Variants in MANBA observed in about 807,000 individuals in gnomAD.
The protein encoded by MANBA is mannosidase beta.
In MANBA, 83 loss-of-function variants were observed where a neutral mutation model predicts 111.1. That is an observed-to-expected ratio of 0.75 (90% CI 0.63 to 0.90). MANBA has a LOEUF of 0.90. Ranked by LOEUF, MANBA falls within the 40% of genes least tolerant of loss-of-function variation. The pLI, the probability that MANBA is intolerant of heterozygous loss-of-function variation, is 0.00. For missense variants in MANBA, 1,036 were observed against 1,069.0 expected, an observed-to-expected ratio of 0.97 and a Z score of 0.43; for synonymous variants, 370 against 378.7, an observed-to-expected ratio of 0.98 and a Z score of 0.27.
chr4:102,714,170 C>T (rs1447773330), intron 5 of MANBA, among the ~76,000 whole-genome samples: 1 of 152,164 alleles, frequency 6.6e-6, no homozygotes, highest in African/African-American at 2.4e-5. Context: ...ATACTTATCT[C>T]AGGAAAACTT....
intron 5 of MANBA, among the ~76,000 whole-genome samples, chr4:102,702,894 A>G (rs1288754732): frequency 6.6e-6 from 1 of 152,216 alleles, no homozygotes; most frequent in Non-Finnish European, 1.5e-5. Context: ...AACAGGGGGA[A>G]GGCAGAAAGT....
intron 5 of MANBA, among the ~76,000 whole-genome samples, chr4:102,711,173 T>C (rs1722048370): frequency 1.3e-5 from 2 of 152,252 alleles, no homozygotes; most frequent in South Asian, 4.1e-4. Flanking sequence ...CAACAGAATG[T>C]AGAGACAACT....
At chr4:102,699,400 T>TA (rs1470785858) in intron 5 of MANBA, among the ~76,000 whole-genome samples, 1 of 152,022 alleles carries the variant, frequency 6.6e-6, no homozygotes, top group African/African-American at 2.4e-5. Flanking sequence ...CTATGTTGAA[T>TA]AGGAATGGTG....
intron 13 of MANBA, among the ~76,000 whole-genome samples, chr4:102,646,168 ATACCCAAAGAATGC>A (rs1413263870): frequency 6.6e-6 from 1 of 152,128 alleles, no homozygotes; most frequent in Non-Finnish European, 1.5e-5. Context: ...CATTTAGTAG[ATACCCAAAGAATGC>A]TACATATTGG....
chr4:102,747,230 C>T (rs1439866005), intron 1 of MANBA, among the ~76,000 whole-genome samples: 1 of 151,870 alleles, frequency 6.6e-6, no homozygotes, highest in Non-Finnish European at 1.5e-5. Context: ...CATAACACGC[C>T]ATCTGCAAGC....
chr4:102,650,981 T>C (rs968218957), intron 12 of MANBA: 1 of 358,030 alleles, frequency 2.8e-6, no homozygotes, highest in Admixed American at 4.2e-5. Context: ...ACTCTTGTTT[T>C]ATCAAAACAT....
intron 1 of MANBA, among the ~76,000 whole-genome samples, chr4:102,731,804 C>T (rs1167081222): frequency 6.6e-6 from 1 of 152,070 alleles, no homozygotes; most frequent in Non-Finnish European, 1.5e-5. Context: ...AGATGACTGG[C>T]CTCCTAGATG....
chr4:102,662,302 G>T (rs1224827365), intron 11 of MANBA, among the ~76,000 whole-genome samples: 1 of 152,108 alleles, frequency 6.6e-6, no homozygotes, highest in Non-Finnish European at 1.5e-5. Flanking sequence ...AGCACTTTCG[G>T]AGGCCGAGGT....
chr4:102,727,426 G>A (rs1722852296), intron 1 of MANBA: 3 of 1,173,442 alleles, frequency 2.6e-6, no homozygotes, highest in African/African-American at 1.5e-5. Flanking sequence ...GATGAGCTTG[G>A]TATAGGCCAA....
intron 5 of MANBA, among the ~76,000 whole-genome samples, chr4:102,701,659 C>T (rs1489237185): frequency 6.6e-6 from 1 of 151,504 alleles, no homozygotes; most frequent in Non-Finnish European, 1.5e-5. Context: ...GTTGAAAATT[C>T]TTTTCTTTAA....
chr4:102,681,237 T>TCA (rs1731963895), intron 7 of MANBA, among the ~76,000 whole-genome samples: 1 of 152,110 alleles, frequency 6.6e-6, no homozygotes, highest in African/African-American at 2.4e-5. Context: ...TCCTAGCTAC[T>TCA]CAGGAGGATA....
At position 102,674,073 on chromosome 4, in the gene MANBA, G is replaced by A. The variant is rs914560380; in HGVS notation, c.961-3C>T. On this transcript the variant is annotated splice_polypyrimidine_tract_variant and splice_region_variant and intron_variant, in intron 7 of 16. Coordinates refer to ENST00000647097, the MANE Select transcript of MANBA (RefSeq NM_005908.4). ...AGTTCCACTGTCCTAAAATAAACCT[G>A]CAATGAACAGAATTAAATGATGAAT... 1 of 1,589,218 alleles carries A rather than the reference G, an allele frequency of 6.3e-7. No homozygotes were observed. Among genetic ancestry groups the A allele is most frequent in the Non-Finnish European group, 8.6e-7 (1 of 1,157,780 alleles).
intron 7 of MANBA, among the ~76,000 whole-genome samples, chr4:102,677,946 A>G (rs1462782126): frequency 6.6e-6 from 1 of 152,196 alleles, no homozygotes; most frequent in African/African-American, 2.4e-5. Flanking sequence ...TTAATATTTA[A>G]TATGGTAAAT....
chr4:102,664,323 T>C (rs1285910398), intron 11 of MANBA, among the ~76,000 whole-genome samples: 1 of 152,196 alleles, frequency 6.6e-6, no homozygotes, highest in East Asian at 1.9e-4. Flanking sequence ...TATACCAGTA[T>C]TCAAACTTAT....
intron 12 of MANBA, among the ~76,000 whole-genome samples, chr4:102,657,162 A>G (rs1163773960): frequency 6.9e-6 from 1 of 144,178 alleles, no homozygotes; most frequent in Non-Finnish European, 1.5e-5. Flanking sequence ...GAGAGTGAAA[A>G]TCCATACAGA....
In MANBA at chr4:102,760,879, G is replaced by T; in HGVS notation, c.16C>A (p.Leu6Ile). 3.2e-6 allele frequency: 5 copies of T among 1,569,352 alleles called. No homozygotes were observed. Among genetic ancestry groups the T allele is most frequent in the Non-Finnish European group, 4.3e-6 (5 of 1,159,664 alleles). Residue 6 changes from leucine to isoleucine, a missense_variant, in exon 1 of 17, where the codon CTC (leucine) becomes ATC (isoleucine). Physicochemically the swap from Leu to Ile is conservative, Grantham distance 5. Transcript: ENST00000647097. Reference protein sequence around the residue: MRLHLLLLLALCGAGT... With the variant: MRLHLILLLALCGAGT... ...GCACCGCACAGCGCGAGCAGCAGGA[G>T]CAGGTGGAGGCGCATCTTGAGATCC...
chr4:102,652,548 T>G (rs1220059569), intron 12 of MANBA, among the ~76,000 whole-genome samples: 1 of 152,112 alleles, frequency 6.6e-6, no homozygotes, highest in African/African-American at 2.4e-5. Context: ...TCTAATTACT[T>G]TAAGAATATT....
chr4:102,688,816 C>T (rs1560774697), intron 7 of MANBA, among the ~76,000 whole-genome samples: 1 of 151,828 alleles, frequency 6.6e-6, no homozygotes, highest in Non-Finnish European at 1.5e-5. Context: ...AGTAGAAGCA[C>T]CTTATTCAGA....
intron 13 of MANBA, among the ~76,000 whole-genome samples, chr4:102,641,154 A>G (rs571142588): frequency 1.1e-4 from 16 of 152,308 alleles, no homozygotes; most frequent in Admixed American, 3.3e-4. Flanking sequence ...GATTGGCCTA[A>G]AAGAAGAGGA....
Sources: gnomAD v4.1 joint callset for allele counts (sites outside exome capture counted in the v4.1 genomes callset) on GRCh38, gnomAD v4.1.1 for gene constraint, MANE v1.5 for transcripts, NCBI Gene and HGNC (gene_info 2026-07-23, HGNC 2026-07-21) for gene names.